The following MPHOSPH9 variants were observed in gnomAD, a reference collection of about 807,000 sequenced individuals.
MPHOSPH9 encodes the protein M-phase phosphoprotein 9.
A neutral mutation model predicts 145.5 loss-of-function variants in MPHOSPH9; 88 were observed. The ratio of observed to expected loss-of-function variants is 0.60; its 90% CI spans 0.51 to 0.72. The LOEUF is 0.72. Among genes scored for constraint, MPHOSPH9 ranks in the 30% least tolerant of loss-of-function variants. MPHOSPH9 has a pLI of 0.00. For synonymous variants in MPHOSPH9, 435 were observed against 486.2 expected, an observed-to-expected ratio of 0.89 and a Z score of 1.39; for missense variants, 1,238 against 1,386.6, an observed-to-expected ratio of 0.89 and a Z score of 1.70.
At chr12:123,208,277 T>C (rs2046535520) in intron 8 of MPHOSPH9, among the ~76,000 whole-genome samples, 1 of 151,392 alleles carries the variant, frequency 6.6e-6, no homozygotes, top group South Asian at 2.1e-4. Flanking sequence ...CAGTGGTGCA[T>C]GCCTGTAATT....
At chr12:123,219,991 C>T (rs1236389625) in intron 5 of MPHOSPH9, among the ~76,000 whole-genome samples, 10 of 152,036 alleles carry the variant, frequency 6.6e-5, no homozygotes, top group Admixed American at 6.6e-4. Context: ...CTCAGGAGTT[C>T]AAGACCAGCC....
At chr12:123,203,752 T>C (rs2046312651) in intron 8 of MPHOSPH9, among the ~76,000 whole-genome samples, 1 of 152,056 alleles carries the variant, frequency 6.6e-6, no homozygotes, top group East Asian at 1.9e-4. Context: ...GGTGTGATCA[T>C]GGTTCACTGC....
chr12:123,167,232 G>T (rs1565901659), intron 16 of MPHOSPH9, among the ~76,000 whole-genome samples: 1 of 152,152 alleles, frequency 6.6e-6, no homozygotes. Context: ...TGTCACTACT[G>T]AACACCTGAA....
intron 3 of MPHOSPH9, among the ~76,000 whole-genome samples, chr12:123,226,628 C>CT (rs1304559195): frequency 6.6e-6 from 1 of 151,218 alleles, no homozygotes; most frequent in Non-Finnish European, 1.5e-5. Context: ...TACAGGTTCT[C>CT]TTTTTTTATA....
chr12:123,214,950 A>T (rs1015909864), intron 6 of MPHOSPH9, 116 bp from the exon 7 acceptor site: 1 of 845,882 alleles, frequency 1.2e-6, no homozygotes, highest in Admixed American at 2.2e-5. Flanking sequence ...GAGGGTTCAA[A>T]GAAGAAAGCC....
rs980159489 is a variant in MPHOSPH9 at position 123,161,477 on chromosome 12, A to C, written c.3134-94T>G. ...TATGTTGCCCAATTTCACTTTCTGG[A>C]TATAGCTGCTATGTGGCCCAAAAAA... On this transcript the variant is annotated intron_variant, in intron 21 of 23. Coordinates refer to ENST00000606320, the MANE Select transcript of MPHOSPH9 (RefSeq NM_022782.4). 7.2e-5 allele frequency: 99 copies of C among 1,375,414 alleles called. 1 individual carries two copies. Among genetic ancestry groups the C allele is most frequent in the Admixed American group, 2.1e-4 (11 of 52,866 alleles). The allele number at this position is 1,375,414 out of a possible 1,614,324, so 85.2% of individuals were successfully genotyped here.
At chr12:123,233,150 CG>C (rs2047748520), upstream of MPHOSPH9, 2 of 152,106 alleles carry the variant, frequency 1.3e-5, no homozygotes, top group African/African-American at 2.4e-5. Context: ...GGAGCGCGCG[CG>C]CGCCCGGCGT....
chr12:123,216,243 T>G (rs1463831511), intron 6 of MPHOSPH9, among the ~76,000 whole-genome samples: 1 of 152,224 alleles, frequency 6.6e-6, no homozygotes, highest in East Asian at 1.9e-4. Context: ...TCATTTACCT[T>G]CACTTCCCTC....
chr12:123,202,018 G>A, intron 11 of MPHOSPH9, 146 bp downstream of exon 11: 1 of 825,526 alleles, frequency 1.2e-6, no homozygotes, highest in Middle Eastern at 3.8e-4. Context: ...TATAAGAGGG[G>A]GGTTTAGCTT....
At chr12:123,242,443 A>G (rs2047954985) in intron 1 of MPHOSPH9, among the ~76,000 whole-genome samples, 2 of 152,130 alleles carry the variant, frequency 1.3e-5, no homozygotes, top group South Asian at 4.1e-4. Context: ...AAGACTTTGG[A>G]TTACTCTGTA....
At chr12:123,193,192 C>T (rs923032951) in intron 13 of MPHOSPH9, among the ~76,000 whole-genome samples, 2 of 145,798 alleles carry the variant, frequency 1.4e-5, no homozygotes, top group African/African-American at 2.6e-5. Flanking sequence ...TGTGTTGCAG[C>T]AAATGGTGTA....
chr12:123,204,344 A>C lies in MPHOSPH9; in HGVS notation c.1195-969T>G, dbSNP rs2046337328. ...AAAACAAGATACTTCAGAATGAATG[A>C]TAGAAGGATGAGAAAACTTTCGGCC... On this transcript the variant is annotated intron_variant, in intron 8 of 23. Coordinates refer to ENST00000606320, the MANE Select transcript of MPHOSPH9 (RefSeq NM_022782.4). Among the ~76,000 whole-genome samples the C allele has an allele frequency of 1.3e-5, 2 of 151,956 alleles. 1 individual carries two copies. The highest frequency in any genetic ancestry group is 4.1e-4 in the South Asian group (2 of 4,830).
chr12:123,162,663 G>T (rs1224787415), intron 20 of MPHOSPH9: 2 of 206,194 alleles, frequency 9.7e-6, no homozygotes, highest in African/African-American at 2.3e-5. Flanking sequence ...CATGCATTTG[G>T]TGCCAGGGCC....
intron 5 of MPHOSPH9, among the ~76,000 whole-genome samples, chr12:123,220,779 G>A (rs2047163330): frequency 6.6e-6 from 1 of 151,704 alleles, no homozygotes; most frequent in African/African-American, 2.4e-5. Context: ...ATTGTGGCTG[G>A]GCGAGGTGGC....
chr12:123,242,591 T>A (rs2047958176), intron 1 of MPHOSPH9, among the ~76,000 whole-genome samples: 1 of 152,174 alleles, frequency 6.6e-6, no homozygotes, highest in Non-Finnish European at 1.5e-5. Flanking sequence ...ATTGTCTGAT[T>A]GGCTGTTGGA....
At chr12:123,241,999 C>G (rs184470688) in intron 1 of MPHOSPH9, among the ~76,000 whole-genome samples, 2 of 152,342 alleles carry the variant, frequency 1.3e-5, no homozygotes, top group East Asian at 3.9e-4. Context: ...TCAGCTATCA[C>G]ATGTATCCTG....
chr12:123,208,312 G>T (rs1398049229), intron 8 of MPHOSPH9, among the ~76,000 whole-genome samples: 2 of 151,816 alleles, frequency 1.3e-5, no homozygotes, highest in South Asian at 2.1e-4. Context: ...GCCAAGGCAA[G>T]CAAATCACGA....
intron 13 of MPHOSPH9, among the ~76,000 whole-genome samples, chr12:123,193,090 A>T (rs1433586891): frequency 0.033 from 1,986 of 60,606 alleles, 52 homozygotes; most frequent in South Asian, 0.08. Context: ...AAAAAAAAAA[A>T]AAAAAAATAT....
chr12:123,179,183 T>C (rs921958930), intron 15 of MPHOSPH9, among the ~76,000 whole-genome samples: 4 of 152,174 alleles, frequency 2.6e-5, no homozygotes, highest in African/African-American at 9.6e-5. Context: ...ATCCCAGCAC[T>C]TTTTGTGGAT....
Sources: gnomAD v4.1 joint callset for allele counts (sites outside exome capture counted in the v4.1 genomes callset) on GRCh38, gnomAD v4.1.1 for gene constraint, MANE v1.5 for transcripts, NCBI Gene and HGNC (gene_info 2026-07-23, HGNC 2026-07-21) for gene names.